GMDS: variants seen among roughly 807,000 people sequenced by gnomAD.
GMDS encodes GDP-mannose 4,6 dehydratase.
In GMDS, 20 loss-of-function variants were observed where a neutral mutation model predicts 49.9. That is an observed-to-expected ratio of 0.40 (90% CI 0.28 to 0.58). The LOEUF is 0.58. Ranked by LOEUF, GMDS falls within the 20% of genes least tolerant of loss-of-function variation. The pLI, the probability that GMDS is intolerant of heterozygous loss-of-function variation, is 0.42. For missense variants in GMDS, 362 were observed against 481.4 expected (o/e 0.75, Z 2.32); for synonymous variants, 177 against 178.6 (o/e 0.99, Z 0.07).
chr6:2,195,322 A>G (rs1361002311), intron 1 of GMDS, among the ~76,000 whole-genome samples: 1 of 151,816 alleles, frequency 6.6e-6, no homozygotes, highest in Non-Finnish European at 1.5e-5. Flanking sequence ...TTTATTTTCC[A>G]TTATTCCTTA....
Position 2,052,131 on chromosome 6 carries a change from G to GA in GMDS, c.345+63639dup, listed in dbSNP as rs576035823. On this transcript the variant is annotated intron_variant, in intron 4 of 10. Coordinates refer to ENST00000380815, the MANE Select transcript of GMDS (RefSeq NM_001500.4). ...GACTCTGTCTCAAAAAAAAAAAAAA[G>GA]AAAAAAAAAAAACAGAAAAGAAAAA... Among the ~76,000 whole-genome samples, 409 of 99,610 alleles carry GA rather than the reference G, an allele frequency of 4.1e-3. 14 individuals are homozygous for GA. Among genetic ancestry groups the GA allele is most frequent in the African/African-American group, 0.01 (271 of 25,916 alleles). The allele number at this position is 99,610 out of a possible 152,430, so 65.3% of individuals were successfully genotyped here. A position where few individuals can be genotyped will look rare whatever the true frequency, so the allele number is the denominator to read the frequency against.
intron 7 of GMDS, among the ~76,000 whole-genome samples, chr6:1,908,037 C>T (rs1339836704): frequency 6.6e-6 from 1 of 152,160 alleles, no homozygotes; most frequent in East Asian, 1.9e-4. Flanking sequence ...AAAACGCTTG[C>T]ACCATGGGGC....
At chr6:2,073,728 T>A (rs1772152245) in intron 4 of GMDS, among the ~76,000 whole-genome samples, 1 of 152,176 alleles carries the variant, frequency 6.6e-6, no homozygotes, top group Non-Finnish European at 1.5e-5. Context: ...CAAGGGTAAG[T>A]TTTTTAGCTC....
intron 7 of GMDS, among the ~76,000 whole-genome samples, chr6:1,801,162 C>G (rs1305235017): frequency 6.6e-6 from 1 of 152,210 alleles, no homozygotes; most frequent in Admixed American, 6.5e-5. Context: ...TCTATGAGAC[C>G]TGCACCGAAA....
chr6:2,018,021 C>T (rs1243234856), intron 4 of GMDS, among the ~76,000 whole-genome samples: 2 of 152,084 alleles, frequency 1.3e-5, no homozygotes, highest in African/African-American at 4.8e-5. Context: ...CAACTTAATT[C>T]AAAATATTCT....
At position 1,836,391 on chromosome 6, in the gene GMDS, C is replaced by T. The variant is rs1310361330; in HGVS notation, c.771+93712G>A. On this transcript the variant is annotated intron_variant, in intron 7 of 10. Transcript: ENST00000380815. The surrounding 1 kb of genome is among the most constrained non-coding windows in gnomAD (Gnocchi z 4.2). ...GTCACCATCAACTAAGCAACTGCTACGCTATTTCACTAAACTGAAAAAGGC... is the reference window on the plus strand; with the variant it reads ...GTCACCATCAACTAAGCAACTGCTATGCTATTTCACTAAACTGAAAAAGGC... 4.6e-5 allele frequency among the ~76,000 whole-genome samples: 7 copies of T among 152,314 alleles called. No individual in the cohort carries two copies. The highest frequency in any genetic ancestry group is 3.9e-4 in the Admixed American group (6 of 15,308).
chr6:2,064,225 G>C (rs896504670), intron 4 of GMDS, among the ~76,000 whole-genome samples: 1 of 152,126 alleles, frequency 6.6e-6, no homozygotes, highest in Non-Finnish European at 1.5e-5. Flanking sequence ...TAAAAGTTTA[G>C]AGAAGTACTT....
At chr6:2,113,590 C>G (rs1774675578) in intron 4 of GMDS, among the ~76,000 whole-genome samples, 2 of 152,038 alleles carry the variant, frequency 1.3e-5, no homozygotes, top group Admixed American at 1.3e-4. Context: ...CCCGCTACGT[C>G]TGTAACTCTG....
chr6:2,209,624 C>T (rs982153820), intron 1 of GMDS, among the ~76,000 whole-genome samples: 1 of 151,878 alleles, frequency 6.6e-6, no homozygotes, highest in Admixed American at 6.6e-5. Context: ...CTCTCTCTCT[C>T]TCTGGACTGA....
intron 1 of GMDS, among the ~76,000 whole-genome samples, chr6:2,189,389 G>A (rs1778917903): frequency 6.6e-6 from 1 of 152,162 alleles, no homozygotes; most frequent in Non-Finnish European, 1.5e-5. Context: ...ATGGACAACT[G>A]GAGATGCAGG....
chr6:2,122,663 A>G (rs1720114322), intron 2 of GMDS, among the ~76,000 whole-genome samples: 1 of 152,254 alleles, frequency 6.6e-6, no homozygotes, highest in African/African-American at 2.4e-5. Flanking sequence ...AATTATACGA[A>G]TCTCTTAAAA....
intron 7 of GMDS, among the ~76,000 whole-genome samples, chr6:1,791,100 C>T (rs1769522566): frequency 6.6e-6 from 1 of 152,110 alleles, no homozygotes; most frequent in South Asian, 2.1e-4. Flanking sequence ...CAGGTGGCCT[C>T]TAGAAACTGG....
chr6:1,805,274 C>T (rs1235407382), intron 7 of GMDS, among the ~76,000 whole-genome samples: 1 of 152,138 alleles, frequency 6.6e-6, no homozygotes, highest in Non-Finnish European at 1.5e-5. Context: ...ATATGCACTA[C>T]AGTATTACAA....
At chr6:1,632,722 T>G (rs902018942) in intron 9 of GMDS, among the ~76,000 whole-genome samples, 16 of 151,998 alleles carry the variant, frequency 1.1e-4, no homozygotes, top group Non-Finnish European at 2.1e-4. Flanking sequence ...ACAAAAAACT[T>G]TAAAAAATTA....
intron 2 of GMDS, among the ~76,000 whole-genome samples, chr6:2,122,056 C>G (rs1410628918): frequency 2.0e-5 from 3 of 152,166 alleles, no homozygotes; most frequent in African/African-American, 7.2e-5. Context: ...TAGGTTGTTT[C>G]CAGCTGTTCC....
chr6:2,104,742 T>C (rs1297727249), intron 4 of GMDS, among the ~76,000 whole-genome samples: 3 of 152,166 alleles, frequency 2.0e-5, no homozygotes. Flanking sequence ...TTGCTGCTGA[T>C]AAATTTTAAT....
At chr6:1,737,500 A>AACACAC (rs139626089) in intron 8 of GMDS, among the ~76,000 whole-genome samples, 4 of 148,264 alleles carry the variant, frequency 2.7e-5, no homozygotes, top group African/African-American at 4.9e-5. Context: ...CACACACACA[A>AACACAC]ACACACACAC....
rs113773344 is a variant in GMDS at position 2,035,235 on chromosome 6, T to C, written c.346-74269A>G. On this transcript the variant is annotated intron_variant, in intron 4 of 10. Coordinates refer to ENST00000380815, the MANE Select transcript of GMDS (RefSeq NM_001500.4). ...CTTCATTATGAAAGGTGTTAATCATTAACAAAGATGTCAAATTAACTGTTC... is the reference window on the plus strand; with the variant it reads ...CTTCATTATGAAAGGTGTTAATCATCAACAAAGATGTCAAATTAACTGTTC... Among the ~76,000 whole-genome samples, 19 of 152,290 alleles carry C rather than the reference T, an allele frequency of 1.2e-4. 1 individual carries two copies. Among genetic ancestry groups the C allele is most frequent in the African/African-American group, 4.3e-4 (18 of 41,564 alleles).
intron 1 of GMDS, among the ~76,000 whole-genome samples, chr6:2,144,370 G>A (rs1327032764): frequency 6.6e-6 from 1 of 152,200 alleles, no homozygotes; most frequent in Non-Finnish European, 1.5e-5. Context: ...GCCTCAGGCT[G>A]GTGAGAGGCA....
Sources: gnomAD v4.1 joint callset for allele counts (sites outside exome capture counted in the v4.1 genomes callset) on GRCh38, gnomAD v4.1.1 for gene constraint, Gnocchi (gnomAD v3.1) non-coding constraint, MANE v1.5 for transcripts, NCBI Gene and HGNC (gene_info 2026-07-23, HGNC 2026-07-21) for gene names.